AQR: variants seen among roughly 807,000 people sequenced by gnomAD.
The protein encoded by AQR is aquarius intron-binding spliceosomal factor.
AQR carries 61 observed loss-of-function variants against 180.5 expected under a neutral mutation model. The ratio of observed to expected loss-of-function variants is 0.34; its 90% confidence interval spans 0.28 to 0.42. AQR has a LOEUF of 0.42. Ranked by LOEUF, AQR falls within the 10% of genes least tolerant of loss-of-function variation. The pLI, the probability that AQR is intolerant of heterozygous loss-of-function variation, is 1.00. For missense variants in AQR, 1,281 were observed against 1,798.3 expected (o/e 0.71, Z 5.20); for synonymous variants, 551 against 588.8 (o/e 0.94, Z 0.93).
chr15:34,858,295 T>C (rs1353079312), intron 34 of AQR, among the ~76,000 whole-genome samples: 2 of 125,030 alleles, frequency 1.6e-5, no homozygotes, highest in African/African-American at 6.5e-5. Context: ...TTAAGATTTT[T>C]AAAAAGTACC....
chr15:34,874,842 C>A lies in AQR; in HGVS notation c.3260G>T (p.Arg1087Leu). The change falls in exon 29 of 35, where the codon CGA becomes CTA. Residue 1087 changes from arginine (R) to leucine (L), a missense_variant. Coordinates refer to ENST00000156471, the MANE Select transcript of AQR (RefSeq NM_014691.3). ...GCCAATCATAATCCATCGTTTTAGT[C>A]GGCTAAATCCATCCTGAGGATTCTA... ...LLQNPQDGFS[R>L]LKRWIMIGDH... 1.2e-6 allele frequency: 2 copies of A among 1,613,464 alleles called. No homozygotes were observed. The highest frequency in any genetic ancestry group is 1.7e-6 in the Non-Finnish European group (2 of 1,179,688).
At position 34,941,917 on chromosome 15, in the gene AQR, C is replaced by G; in HGVS notation, c.540+95G>C. The G allele has an allele frequency of 4.6e-6, 4 of 878,776 alleles. No homozygotes were observed. The South Asian group carries it at 1.2e-4, about 26-fold the overall frequency. 54.4% of individuals were successfully genotyped at this position (878,776 alleles called of 1,614,324 possible). A position where few individuals can be genotyped will look rare whatever the true frequency, so the allele number is the denominator to read the frequency against. On this transcript the variant is annotated intron_variant, in intron 7 of 34. Transcript: ENST00000156471. ...CTTTTCTAAGAAAAGGGGTATTTAG[C>G]TACCACTTGTATATCCAGATTAAGG...
chr15:34,880,311 A>G (rs1221502958), intron 27 of AQR, among the ~76,000 whole-genome samples: 1 of 152,248 alleles, frequency 6.6e-6, no homozygotes, highest in East Asian at 1.9e-4. Context: ...TTCTACTAAA[A>G]TACAGAAGAG....
intron 8 of AQR, among the ~76,000 whole-genome samples, chr15:34,939,249 A>G (rs776326101): frequency 6.6e-6 from 1 of 152,086 alleles, no homozygotes; most frequent in Non-Finnish European, 1.5e-5. Context: ...TTGTATTTTC[A>G]GTAGAGATGC....
chr15:34,886,374 CTT>C lies in AQR; in HGVS notation c.2817+150_2817+151del, dbSNP rs1893060135. 1.2e-5 allele frequency: 8 copies of C among 657,308 alleles called. No individual in the cohort carries two copies. In the South Asian group the frequency reaches 3.7e-4, roughly 30 times the overall value. 40.7% of individuals were successfully genotyped at this position (657,308 alleles called of 1,614,324 possible). The stretch of plus-strand genomic sequence containing the variant: ...AAAACTGAAGATAATACAAAATACA[CTT>C]AACATTCATAAATATAGCACTTGCA... On this transcript the variant is annotated intron_variant, in intron 25 of 34. Coordinates refer to ENST00000156471, the MANE Select transcript of AQR (RefSeq NM_014691.3).
At chr15:34,926,023 C>T (rs969958633) in intron 13 of AQR, among the ~76,000 whole-genome samples, 4 of 148,784 alleles carry the variant, frequency 2.7e-5, no homozygotes, top group African/African-American at 7.3e-5. Flanking sequence ...AAAAATTAGA[C>T]GGGCGTGGTG....
At chr15:34,946,431 G>GGGT (rs1566995076) in intron 5 of AQR, among the ~76,000 whole-genome samples, 5 of 15,140 alleles carry the variant, frequency 3.3e-4, no homozygotes, top group Non-Finnish European at 1.6e-3. Flanking sequence ...GGAGGGAGGT[G>GGGT]GGGGGGGTCA....
intron 12 of AQR, among the ~76,000 whole-genome samples, chr15:34,927,351 G>A (rs1331955691): frequency 6.6e-6 from 1 of 152,058 alleles, no homozygotes; most frequent in Non-Finnish European, 1.5e-5. Context: ...AAAACATAAA[G>A]TTGGCGTTCA....
intron 14 of AQR, among the ~76,000 whole-genome samples, chr15:34,918,644 C>T (rs1357069445): frequency 6.6e-6 from 1 of 152,236 alleles, no homozygotes; most frequent in Admixed American, 6.5e-5. Flanking sequence ...ACCTTCCTAA[C>T]CTTAGTTTCC....
rs544855990 is a variant in AQR, at chr15:34,858,876, T to C, written c.4143+1166A>G. Among the ~76,000 whole-genome samples the C allele has an allele frequency of 3.3e-5, 5 of 152,306 alleles. No individual in the cohort carries two copies. In the South Asian group the frequency reaches 8.3e-4, roughly 25 times the overall value. On this transcript the variant is annotated intron_variant, in intron 34 of 34. Coordinates refer to ENST00000156471, the MANE Select transcript of AQR (RefSeq NM_014691.3). ...GGGAAGTGGTGCTCAAACAACTGCA[T>C]ATCCACAGACAAATGAATAAAACTC...
At chr15:34,947,373 CG>C (rs1166846951) in intron 5 of AQR, among the ~76,000 whole-genome samples, 1 of 150,356 alleles carries the variant, frequency 6.7e-6, no homozygotes, top group African/African-American at 2.4e-5. Flanking sequence ...ACAAACACTG[CG>C]GAAGGCCACA....
chr15:34,869,724 CT>C (rs1182828272), intron 31 of AQR: 1 of 152,074 alleles, frequency 6.6e-6, no homozygotes, highest in African/African-American at 2.4e-5. Flanking sequence ...CCCTGTATTC[CT>C]TTTGATTTTG....
intron 34 of AQR, among the ~76,000 whole-genome samples, chr15:34,857,806 C>A (rs1892610160): frequency 6.6e-6 from 1 of 152,048 alleles, no homozygotes; most frequent in Non-Finnish European, 1.5e-5. Context: ...AGGAGCCTGG[C>A]CTTAAGGCAA....
intron 16 of AQR, among the ~76,000 whole-genome samples, chr15:34,911,626 T>C (rs1429197193): frequency 6.6e-6 from 1 of 152,202 alleles, no homozygotes; most frequent in African/African-American, 2.4e-5. Flanking sequence ...CACCCATTTT[T>C]TATTGGGTTA....
intron 30 of AQR, among the ~76,000 whole-genome samples, chr15:34,872,461 G>A (rs943869546): frequency 1.3e-5 from 2 of 152,042 alleles, no homozygotes; most frequent in African/African-American, 4.8e-5. Context: ...GGATAAAAAT[G>A]TTTCAATCAA....
Position 34,900,712 on chromosome 15 carries a change from A to T in AQR, c.2153T>A (p.Phe718Tyr). The T allele has an allele frequency of 6.2e-7, 1 of 1,614,172 alleles. No homozygotes were observed. Among genetic ancestry groups the T allele is most frequent in the South Asian group, 1.1e-5 (1 of 91,082 alleles). Residue 718 changes from phenylalanine (F) to tyrosine (Y), a missense_variant, in exon 20 of 35, where the codon TTT becomes TAT. Around this residue, in one of 9 missense-constraint regions of AQR, gnomAD observed 112 missense variants for 128.6 expected, o/e 0.87. Transcript: ENST00000156471. ...QIATLDFNDT[F>Y]LSIEHLKASF... ...GGCTTTTAAATGCTCAATGGAGAGA[A>T]ATGTATCATTGAAATCAAGGGTGGC...
chr15:34,949,214 G>T (rs1894177878), intron 4 of AQR, among the ~76,000 whole-genome samples: 1 of 151,504 alleles, frequency 6.6e-6, no homozygotes, highest in Non-Finnish European at 1.5e-5. Flanking sequence ...GGCTGGTCTT[G>T]AACTCCCAAC....
At chr15:34,938,587 C>T in intron 9 of AQR, 150 bp downstream of exon 9, 1 of 541,888 alleles carries the variant, frequency 1.8e-6, no homozygotes, top group East Asian at 2.9e-5. Context: ...AATACTCACA[C>T]TGGTAATGTA....
chr15:34,921,363 G>C (rs1893681897), intron 13 of AQR, among the ~76,000 whole-genome samples: 1 of 150,872 alleles, frequency 6.6e-6, no homozygotes, highest in Non-Finnish European at 1.5e-5. Flanking sequence ...AAACCCAGGA[G>C]GCAGAGGTTG....
Sources: allele counts gnomAD v4.1 joint callset (sites outside exome capture counted in the v4.1 genomes callset), GRCh38; gene constraint gnomAD v4.1.1; regional missense constraint gnomAD v4.1.1; transcripts MANE v1.5; gene names NCBI Gene and HGNC (gene_info 2026-07-23, HGNC 2026-07-21).